Variants in POPDC1 observed in about 807,000 individuals in gnomAD.
POPDC1 encodes popeye domain cAMP effector 1, also known as popeye domain-containing protein 1.
the POPDC1 span, chr6:105,100,552 GTATA>G: frequency 6.6e-3 from 74 of 11,144 alleles, no homozygotes; most frequent in African/African-American, 7.3e-3. Flanking sequence ...GTATATATAT[GTATA>G]TATATATATA....
At chr6:105,121,709 A>G in the POPDC1 span, among the ~76,000 whole-genome samples, 1 of 152,330 alleles carries the variant, frequency 6.6e-6, no homozygotes, top group South Asian at 2.1e-4. Context: ...CAGCTCTATC[A>G]CTATGCTTAT....
chr6:105,126,679 AAC>A, the POPDC1 span, among the ~76,000 whole-genome samples: 7 of 152,230 alleles, frequency 4.6e-5, no homozygotes, highest in African/African-American at 1.7e-4. Context: ...CAAGAAAATA[AAC>A]ACAAAATAGG....
At chr6:105,131,607 G>T in the POPDC1 span, among the ~76,000 whole-genome samples, 2 of 152,006 alleles carry the variant, frequency 1.3e-5, no homozygotes, top group Non-Finnish European at 2.9e-5. Context: ...GTAGACAGAA[G>T]GTCTCACTAC....
chr6:105,110,780 C>G, the POPDC1 span, among the ~76,000 whole-genome samples: 1 of 152,126 alleles, frequency 6.6e-6, no homozygotes, highest in African/African-American at 2.4e-5. Context: ...ATCTCCCAGG[C>G]TAAAGTGGTC....
At chr6:105,115,686 GAAGA>G in the POPDC1 span, 1 of 1,613,982 alleles carries the variant, frequency 6.2e-7, no homozygotes, top group African/African-American at 1.3e-5. Context: ...GATAACTTAC[GAAGA>G]GAGGACATGC....
At chr6:105,122,656 A>G in the POPDC1 span, among the ~76,000 whole-genome samples, 2 of 152,354 alleles carry the variant, frequency 1.3e-5, no homozygotes, top group East Asian at 3.9e-4. Flanking sequence ...AATACAGGCA[A>G]AAGATAAATG....
At chr6:105,107,908 A>G in the POPDC1 span, among the ~76,000 whole-genome samples, 1 of 152,154 alleles carries the variant, frequency 6.6e-6, no homozygotes, top group East Asian at 1.9e-4. Context: ...CTTTCTGAAC[A>G]ATAATACTAA....
the POPDC1 span, among the ~76,000 whole-genome samples, chr6:105,113,519 C>T: frequency 6.6e-6 from 1 of 152,168 alleles, no homozygotes; most frequent in Non-Finnish European, 1.5e-5. Flanking sequence ...GTGGTACTTG[C>T]TCCTTTAGAG....
chr6:105,098,046 A>G, the POPDC1 span: 28 of 152,234 alleles, frequency 1.8e-4, no homozygotes, highest in East Asian at 3.8e-4. Flanking sequence ...TGTTACATTT[A>G]AAGTAGTAGA....
the POPDC1 span, among the ~76,000 whole-genome samples, chr6:105,122,331 C>T: frequency 1.3e-5 from 2 of 152,170 alleles, no homozygotes; most frequent in African/African-American, 4.8e-5. Context: ...CCAGCTATGG[C>T]ACTATAAAAT....
the POPDC1 span, among the ~76,000 whole-genome samples, chr6:105,109,946 T>C: frequency 6.6e-6 from 1 of 151,900 alleles, no homozygotes; most frequent in Non-Finnish European, 1.5e-5. Flanking sequence ...TATCTATGTA[T>C]ATTAACTTGA....
chr6:105,100,417 G>A, the POPDC1 span: 1 of 152,096 alleles, frequency 6.6e-6, no homozygotes, highest in Non-Finnish European at 1.5e-5. Flanking sequence ...GGCTGAGGCA[G>A]GAGAGTGGCG....
chr6:105,112,639 A>G, the POPDC1 span, among the ~76,000 whole-genome samples: 1 of 152,230 alleles, frequency 6.6e-6, no homozygotes, highest in African/African-American at 2.4e-5. Flanking sequence ...ACCTATCTGC[A>G]GCACTACTTG....
chr6:105,108,056 T>C, the POPDC1 span, among the ~76,000 whole-genome samples: 1 of 152,204 alleles, frequency 6.6e-6, no homozygotes, highest in African/African-American at 2.4e-5. Context: ...TGAGGTCTAC[T>C]CTGCCCCAAG....
the POPDC1 span, among the ~76,000 whole-genome samples, chr6:105,126,585 C>A: frequency 2.6e-5 from 4 of 152,296 alleles, no homozygotes; most frequent in South Asian, 6.2e-4. Context: ...AATCTTAGCA[C>A]CTTCTATAAA....
At chr6:105,125,411 C>T in the POPDC1 span, 1 of 1,614,204 alleles carries the variant, frequency 6.2e-7, no homozygotes, top group Non-Finnish European at 8.5e-7. Flanking sequence ...AGAGAATACT[C>T]AGACGGTCAT....
chr6:105,097,475 G>C, the POPDC1 span: 2 of 152,304 alleles, frequency 1.3e-5, no homozygotes, highest in Non-Finnish European at 2.9e-5. Flanking sequence ...GGGCTGACCT[G>C]CATGCCAGGT....
At chr6:105,124,446 T>A in the POPDC1 span, 3 of 776,104 alleles carry the variant, frequency 3.9e-6, no homozygotes, top group Non-Finnish European at 6.4e-6. Context: ...AACTTGTTTT[T>A]CCCCCCAATA....
chr6:105,128,283 T>A, the POPDC1 span, among the ~76,000 whole-genome samples: 1 of 152,224 alleles, frequency 6.6e-6, no homozygotes, highest in Non-Finnish European at 1.5e-5. Flanking sequence ...TTTTTGCCAA[T>A]GAAATATGAA....
Sources: allele counts gnomAD v4.1 joint callset (sites outside exome capture counted in the v4.1 genomes callset), GRCh38; gene constraint gnomAD v4.1.1; transcripts MANE v1.5; gene names NCBI Gene and HGNC (gene_info 2026-07-23, HGNC 2026-07-21).